OTOGL: variants seen among roughly 807,000 people sequenced by gnomAD.
OTOGL encodes the protein otogelin-like protein.
Under a neutral mutation model 318.5 loss-of-function variants are expected in OTOGL, and 285 were observed. That is an observed-to-expected ratio of 0.89 (90% CI 0.81 to 0.99). The LOEUF (loss-of-function observed/expected upper bound fraction) is 0.99. OTOGL is among the 50% of genes least tolerant of loss of function. The pLI, the probability that OTOGL is intolerant of heterozygous loss-of-function variation, is 0.00. For synonymous variants in OTOGL, 987 were observed against 936.5 expected, an observed-to-expected ratio of 1.05 and a Z score of -0.99; for missense variants, 2,899 against 2,845.6, an observed-to-expected ratio of 1.02 and a Z score of -0.43.
At chr12:80,114,823 T>A (rs1191131800) in intron 1 of OTOGL, among the ~76,000 whole-genome samples, 2 of 151,940 alleles carry the variant, frequency 1.3e-5, no homozygotes, top group Non-Finnish European at 2.9e-5. Context: ...CTTTTCATTT[T>A]TTTTTCTCTA....
intron 58 of OTOGL, among the ~76,000 whole-genome samples, chr12:80,377,543 A>G (rs1310321042): frequency 6.6e-6 from 1 of 152,130 alleles, no homozygotes; most frequent in African/African-American, 2.4e-5. Flanking sequence ...TGCTTGAGCC[A>G]TGATATGACA....
chr12:80,378,521 T>A lies in OTOGL; in HGVS notation c.*473T>A, dbSNP rs1451093. 0.011 allele frequency: 1,706 copies of A among 154,274 alleles called. 28 individuals are homozygous for A. The highest frequency in any genetic ancestry group is 0.035 in the African/African-American group (1,457 of 41,564). The allele number at this position is 154,274 out of a possible 1,614,324, so 9.6% of individuals were successfully genotyped here. ...AAAGAGTGATATGCTTAGAGATAGA[T>A]AATGGATTATTTAAAACCTGAATGG... On this transcript the variant is annotated 3_prime_UTR_variant, in exon 59 of 59. Coordinates refer to ENST00000547103, the MANE Select transcript of OTOGL (RefSeq NM_001378609.3).
Position 80,342,105 on chromosome 12 carries a change from T to C in OTOGL, c.5208T>C (p.Asp1736=). 1 of 1,604,506 alleles carries C rather than the reference T, an allele frequency of 6.2e-7. No individual in the cohort carries two copies. Residue 1736 remains aspartate, a synonymous_variant, in exon 44 of 59, where the codon GAT becomes GAC. Coordinates refer to ENST00000547103, the MANE Select transcript of OTOGL (RefSeq NM_001378609.3). ...CTGTTAGGAATTGTACTGAGCATGA[T>C]TGCAGCCAGTGCATTGATTTATTAA... The part of the protein sequence containing the change: ...RRPVRNCTEH[D]CSQCIDLLNR...
intron 1 of OTOGL, among the ~76,000 whole-genome samples, chr12:80,172,685 C>T (rs563301241): frequency 3.9e-5 from 6 of 151,906 alleles, no homozygotes; most frequent in African/African-American, 1.4e-4. Flanking sequence ...ACATATACAC[C>T]ATGGAATACT....
intron 29 of OTOGL, among the ~76,000 whole-genome samples, chr12:80,310,117 A>G (rs1886531829): frequency 6.6e-6 from 1 of 152,120 alleles, no homozygotes; most frequent in South Asian, 2.1e-4. Flanking sequence ...AAAATGGAAG[A>G]CTGAAAAATT....
chr12:80,328,509 A>G (rs1887847042), intron 35 of OTOGL, among the ~76,000 whole-genome samples, 156 bp from the exon 36 acceptor site: 1 of 152,206 alleles, frequency 6.6e-6, no homozygotes, highest in Non-Finnish European at 1.5e-5. Context: ...ATTTTATAAA[A>G]CGAAGTAGCA....
chr12:80,197,535 A>G (rs1876163138), intron 1 of OTOGL, among the ~76,000 whole-genome samples: 1 of 152,244 alleles, frequency 6.6e-6, no homozygotes, highest in Non-Finnish European at 1.5e-5. Flanking sequence ...AATAATTTAT[A>G]GAGTTCGGCT....
intron 1 of OTOGL, among the ~76,000 whole-genome samples, chr12:80,184,487 C>A (rs1875148941): frequency 6.6e-6 from 1 of 152,108 alleles, no homozygotes; most frequent in Non-Finnish European, 1.5e-5. Context: ...GTTTCATTAG[C>A]CTCATTGACA....
At chr12:80,312,851 G>A (rs1009990269) in intron 30 of OTOGL, among the ~76,000 whole-genome samples, 2 of 151,640 alleles carry the variant, frequency 1.3e-5, no homozygotes, top group East Asian at 1.9e-4. Context: ...AGTCTCTGTC[G>A]CTCAGGCTGG....
intron 1 of OTOGL, among the ~76,000 whole-genome samples, chr12:80,163,364 A>T (rs2137198419): frequency 6.6e-6 from 1 of 152,244 alleles, no homozygotes; most frequent in South Asian, 2.1e-4. Flanking sequence ...TCTGTAAATA[A>T]AATAAAAATA....
chr12:80,173,176 T>G (rs978966346), intron 1 of OTOGL, among the ~76,000 whole-genome samples: 5 of 152,118 alleles, frequency 3.3e-5, no homozygotes, highest in African/African-American at 1.2e-4. Context: ...ATATGCCTTT[T>G]TTTTTTTTAT....
chr12:80,289,896 G>C (rs1365455367), intron 26 of OTOGL, among the ~76,000 whole-genome samples: 3 of 152,102 alleles, frequency 2.0e-5, no homozygotes, highest in Admixed American at 6.5e-5. Context: ...CCTTTCCAGA[G>C]AAGTGAACGG....
intron 1 of OTOGL, among the ~76,000 whole-genome samples, chr12:80,125,175 T>C (rs1719763222): frequency 1.3e-5 from 2 of 152,206 alleles, no homozygotes; most frequent in African/African-American, 2.4e-5. Context: ...GCTGTGGGTT[T>C]GTCATAGATA....
intron 9 of OTOGL, among the ~76,000 whole-genome samples, chr12:80,236,975 T>C (rs1879921953): frequency 6.6e-6 from 1 of 151,682 alleles, no homozygotes; most frequent in African/African-American, 2.4e-5. Flanking sequence ...CCACCATGCC[T>C]GGCTAATTTT....
intron 9 of OTOGL, among the ~76,000 whole-genome samples, chr12:80,235,467 C>CAAAAA (rs10600987): frequency 2.5e-4 from 22 of 86,956 alleles, no homozygotes; most frequent in African/African-American, 9.4e-4. Flanking sequence ...GACTCTGTCT[C>CAAAAA]AAAAAAAAAA....
intron 42 of OTOGL, among the ~76,000 whole-genome samples, chr12:80,337,601 G>A (rs116408328): frequency 0.011 from 1,713 of 152,056 alleles, 32 homozygotes; most frequent in African/African-American, 0.039. Flanking sequence ...CTTATCCCAA[G>A]GAATATGTGT....
intron 30 of OTOGL, among the ~76,000 whole-genome samples, chr12:80,312,720 G>A (rs574071107): frequency 2.4e-4 from 37 of 152,288 alleles, no homozygotes; most frequent in African/African-American, 7.9e-4. Flanking sequence ...GAGCCTGCTG[G>A]TTCTTTTCCA....
At chr12:80,187,087 G>A (rs900927776) in intron 1 of OTOGL, among the ~76,000 whole-genome samples, 1 of 152,104 alleles carries the variant, frequency 6.6e-6, no homozygotes, top group South Asian at 2.1e-4. Context: ...TCAGAGCTGG[G>A]GCAAAGCCAG....
chr12:80,170,482 G>A (rs981892492), intron 1 of OTOGL, among the ~76,000 whole-genome samples: 3 of 151,820 alleles, frequency 2.0e-5, no homozygotes, highest in African/African-American at 7.3e-5. Flanking sequence ...TGCCCAGGCT[G>A]GAGTACAGTG....
Sources: gnomAD v4.1 joint callset for allele counts (sites outside exome capture counted in the v4.1 genomes callset) on GRCh38, gnomAD v4.1.1 for gene constraint, MANE v1.5 for transcripts, NCBI Gene and HGNC (gene_info 2026-07-23, HGNC 2026-07-21) for gene names.